The following SAP30BP variants were observed in gnomAD, a reference collection of about 807,000 sequenced individuals.
The protein encoded by SAP30BP is SAP30-binding protein.
SAP30BP carries 31 observed loss-of-function variants against 46.3 expected under a neutral mutation model. The observed-to-expected ratio is 0.67, with a 90% confidence interval of 0.50 to 0.90. The LOEUF (loss-of-function observed/expected upper bound fraction) is 0.90, where lower values mean the gene tolerates loss of function less well. Ranked by LOEUF, SAP30BP falls within the 40% of genes least tolerant of loss-of-function variation. The probability of loss-of-function intolerance (pLI) is 0.00; values close to 1 mark genes in which losing one functional copy is unlikely to be tolerated. For synonymous variants in SAP30BP, 169 were observed against 144.2 expected (o/e 1.17, Z -1.23); for missense variants, 312 against 391.0 (o/e 0.80, Z 1.70).
chr17:75,674,690 G>GTTTGTTTTT (rs2059958498), intron 3 of SAP30BP, among the ~76,000 whole-genome samples: 11 of 39,574 alleles, frequency 2.8e-4, no homozygotes, highest in South Asian at 1.4e-3. Flanking sequence ...TTTTTTGTTT[G>GTTTGTTTTT]TTTTTTGTTT....
intron 5 of SAP30BP, chr17:75,700,220 G>A (rs180934676): frequency 5.9e-5 from 10 of 170,756 alleles, no homozygotes; most frequent in Admixed American, 3.8e-4. Flanking sequence ...AAGAAACTGA[G>A]GAACCCTCAG....
chr17:75,704,863 T>C (rs1455360772), intron 9 of SAP30BP, 49 bp downstream of exon 9: 9 of 1,439,102 alleles, frequency 6.3e-6, no homozygotes, highest in Non-Finnish European at 8.8e-6. Flanking sequence ...GTGGAGTGCA[T>C]GGGTCCTGCT....
intron 3 of SAP30BP, among the ~76,000 whole-genome samples, chr17:75,688,739 T>C (rs1316310750): frequency 6.6e-6 from 1 of 152,172 alleles, no homozygotes; most frequent in East Asian, 1.9e-4. Context: ...GGGTCTATAT[T>C]GTTGTTACTT....
intron 3 of SAP30BP, among the ~76,000 whole-genome samples, chr17:75,686,111 G>C (rs1025566056): frequency 2.0e-5 from 3 of 152,200 alleles, no homozygotes; most frequent in African/African-American, 7.2e-5. Flanking sequence ...TTTTCAAATA[G>C]AGAAACTGTT....
intron 3 of SAP30BP, among the ~76,000 whole-genome samples, chr17:75,677,597 A>C (rs1044147827): frequency 2.8e-5 from 4 of 142,764 alleles, no homozygotes; most frequent in Admixed American, 1.5e-4. Context: ...GTGCCTGACT[A>C]ATTTTTGTAT....
chr17:75,689,937 G>A (rs944932466), intron 3 of SAP30BP, among the ~76,000 whole-genome samples: 3 of 152,118 alleles, frequency 2.0e-5, no homozygotes, highest in South Asian at 2.1e-4. Context: ...TTCAGTGGGC[G>A]AGAGGTGACT....
At chr17:75,692,486 T>C in intron 3 of SAP30BP, 1 of 985,422 alleles carries the variant, frequency 1.0e-6, no homozygotes, top group Non-Finnish European at 1.2e-6. Flanking sequence ...CTAACTGGCT[T>C]TGAGGGGCTG....
chr17:75,700,673 A>ATTCCC (rs993006686), intron 5 of SAP30BP, among the ~76,000 whole-genome samples: 2 of 152,180 alleles, frequency 1.3e-5, no homozygotes, highest in African/African-American at 2.4e-5. Flanking sequence ...TGCAGCACAG[A>ATTCCC]TTCCCTTCCC....
At position 75,678,992 on chromosome 17, in the gene SAP30BP, T is replaced by G. The variant is rs1469928410; in HGVS notation, c.264+7129T>G. The stretch of plus-strand genomic sequence containing the variant: ...TGTTTCTAGAGGTTTTTCAGGCAAG[T>G]TTTTTTTTTTTTTTTTTTTGAGACG... On this transcript the variant is annotated intron_variant, in intron 3 of 10. Transcript: ENST00000584667. Among the ~76,000 whole-genome samples the G allele has an allele frequency of 3.1e-5, 4 of 129,286 alleles. No individual in the cohort carries two copies. The East Asian group carries it at 8.3e-4, about 27-fold the overall frequency. The allele number at this position is 129,286 out of a possible 152,430, so 84.8% of individuals were successfully genotyped here.
At chr17:75,685,724 A>C (rs1482928129) in intron 3 of SAP30BP, among the ~76,000 whole-genome samples, 1 of 152,042 alleles carries the variant, frequency 6.6e-6, no homozygotes, top group Non-Finnish European at 1.5e-5. Flanking sequence ...AAATATATCA[A>C]CCTAAAGCAC....
At chr17:75,703,587 G>T in intron 7 of SAP30BP, 1 of 633,040 alleles carries the variant, frequency 1.6e-6, no homozygotes, top group Non-Finnish European at 2.8e-6. Flanking sequence ...TGACTGGTGG[G>T]GACATGTGTG....
intron 3 of SAP30BP, among the ~76,000 whole-genome samples, chr17:75,682,692 A>G (rs147009034): frequency 6.2e-4 from 94 of 152,056 alleles, no homozygotes; most frequent in East Asian, 3.5e-3. Flanking sequence ...GGCTGGGCGC[A>G]GTGGCTCATG....
intron 3 of SAP30BP, among the ~76,000 whole-genome samples, chr17:75,678,040 G>A (rs1296351429): frequency 6.6e-6 from 1 of 152,100 alleles, no homozygotes; most frequent in Admixed American, 6.5e-5. Context: ...GAGCCATGTT[G>A]AGGGTGGGTT....
intron 2 of SAP30BP, among the ~76,000 whole-genome samples, chr17:75,668,947 C>G (rs2059861229): frequency 6.6e-6 from 1 of 152,156 alleles, no homozygotes; most frequent in South Asian, 2.1e-4. Flanking sequence ...AGGCATTCAT[C>G]CTAACTGGTG....
intron 3 of SAP30BP, chr17:75,684,627 A>G (rs1325843483): frequency 6.6e-6 from 1 of 152,180 alleles, no homozygotes; most frequent in African/African-American, 2.4e-5. Flanking sequence ...GGTCTTCTTT[A>G]GGCTTTTCCT....
intron 6 of SAP30BP, 167 bp downstream of exon 6, chr17:75,702,738 A>G (rs2060432567): frequency 4.5e-6 from 2 of 449,308 alleles, no homozygotes; most frequent in Non-Finnish European, 8.2e-6. Flanking sequence ...TAACCCAGCC[A>G]GAGGCTTGCC....
intron 5 of SAP30BP, among the ~76,000 whole-genome samples, chr17:75,701,753 C>A (rs1020883459): frequency 1.3e-5 from 2 of 152,192 alleles, no homozygotes; most frequent in African/African-American, 4.8e-5. Context: ...AGGACTTGAT[C>A]TCATGTTAAA....
At chr17:75,683,935 C>G (rs754379147) in intron 3 of SAP30BP, 5 of 152,230 alleles carry the variant, frequency 3.3e-5, no homozygotes, top group Admixed American at 6.5e-5. Context: ...TTCTGGCTGT[C>G]TTCCCTTAAG....
At chr17:75,680,223 C>G (rs1268135742) in intron 3 of SAP30BP, among the ~76,000 whole-genome samples, 7 of 152,138 alleles carry the variant, frequency 4.6e-5, no homozygotes, top group Non-Finnish European at 1.0e-4. Context: ...GAGTGTACAT[C>G]TGTGAAAACA....
Sources: gnomAD v4.1 joint callset for allele counts (sites outside exome capture counted in the v4.1 genomes callset) on GRCh38, gnomAD v4.1.1 for gene constraint, MANE v1.5 for transcripts, NCBI Gene and HGNC (gene_info 2026-07-23, HGNC 2026-07-21) for gene names.